KIF21A: variants seen among roughly 807,000 people sequenced by gnomAD.
KIF21A encodes kinesin family member 21A, also known as kinesin-like protein KIF21A.
KIF21A carries 114 observed loss-of-function variants against 202.9 expected under a neutral mutation model. The ratio of observed to expected loss-of-function variants is 0.56; its 90% CI spans 0.48 to 0.66. KIF21A has a LOEUF of 0.66. Ranked by LOEUF, KIF21A falls within the 30% of genes least tolerant of loss-of-function variation. The pLI is 0.00. For missense variants in KIF21A, 1,677 were observed against 1,994.9 expected (o/e 0.84, Z 3.04); for synonymous variants, 667 against 670.8 (o/e 0.99, Z 0.09).
intron 22 of KIF21A, 152 bp from the exon 23 acceptor site, chr12:39,331,063 C>T (rs1173134517): frequency 4.0e-6 from 3 of 749,020 alleles, no homozygotes; most frequent in African/African-American, 3.5e-5. Context: ...GCTTAGTGAT[C>T]ATGTACAAGT....
At position 39,404,748 on chromosome 12, in the gene KIF21A, C is replaced by G. The variant is rs142475982; in HGVS notation, c.45-34487G>C. On this transcript the variant is annotated intron_variant, in intron 1 of 37. Transcript: ENST00000361418. ...TACAACTTAATAGTAAATGAGACTT[C>G]TAACATGTTCCAAAACAGAATTTTA... Among the ~76,000 whole-genome samples the G allele has an allele frequency of 7.2e-5, 11 of 152,206 alleles. 1 individual carries two copies. In the East Asian group the frequency reaches 2.1e-3, roughly 29 times the overall value.
chr12:39,419,438 G>A (rs1008723933), intron 1 of KIF21A, among the ~76,000 whole-genome samples: 1 of 152,112 alleles, frequency 6.6e-6, no homozygotes, highest in African/African-American at 2.4e-5. Context: ...CTCCCTTGAG[G>A]GTTGATTGAA....
At position 39,332,745 on chromosome 12, in the gene KIF21A, C is replaced by T; in HGVS notation, c.2703-1G>A. 5 of 1,613,968 alleles carry T rather than the reference C, an allele frequency of 3.1e-6. No homozygotes were observed. The highest frequency in any genetic ancestry group is 4.2e-6 in the Non-Finnish European group (5 of 1,179,954). On this transcript the variant is annotated splice_acceptor_variant, in intron 19 of 37. Coordinates refer to ENST00000361418, the MANE Select transcript of KIF21A (RefSeq NM_001173464.2). LOFTEE classifies it high-confidence loss of function. ...CAATCCTTTCCTCTGATATTTTTTC[C>T]TATAATCATATAAAACAGACAAGCT... is the stretch of plus-strand genomic sequence containing the variant.
At chr12:39,336,159 A>G (rs1946946927) in intron 17 of KIF21A, among the ~76,000 whole-genome samples, 1 of 152,100 alleles carries the variant, frequency 6.6e-6, no homozygotes, top group South Asian at 2.1e-4. Context: ...GCTCAAAGCA[A>G]TCCTCCGGCC....
chr12:39,371,011 C>T (rs867253972), intron 1 of KIF21A, among the ~76,000 whole-genome samples: 38 of 152,238 alleles, frequency 2.5e-4, no homozygotes, highest in African/African-American at 7.9e-4. Context: ...CACTTATTCT[C>T]CTGTATACTT....
rs1156747011 is a variant in KIF21A, at chr12:39,340,980, T to A, written c.2036A>T (p.Glu679Val). 6.2e-7 allele frequency: 1 copy of A among 1,613,350 alleles called. No individual in the cohort carries two copies. Reference protein sequence around the residue: ...KRLQTLKKQYEEKLMMLQHKI... With the variant: ...KRLQTLKKQYVEKLMMLQHKI... ...ATGTTGCAGCATCATTAGCTTCTCT[T>A]CATACTGCTTTTTCAGAGTCTGCAG... The change falls in exon 15 of 38, where the codon GAA becomes GTA. Residue 679 changes from glutamate (E) to valine (V), a missense_variant. This residue lies in a region of KIF21A where 966 missense variants were observed against 1,180.9 expected (regional missense o/e 0.82). Coordinates refer to ENST00000361418, the MANE Select transcript of KIF21A (RefSeq NM_001173464.2).
At chr12:39,383,595 A>C (rs1211965264) in intron 1 of KIF21A, among the ~76,000 whole-genome samples, 1 of 152,198 alleles carries the variant, frequency 6.6e-6, no homozygotes, top group Admixed American at 6.5e-5. Context: ...GCTCCTGACA[A>C]CTGGGAATTT....
At chr12:39,377,003 A>G (rs1311280151) in intron 1 of KIF21A, among the ~76,000 whole-genome samples, 1 of 152,048 alleles carries the variant, frequency 6.6e-6, no homozygotes, top group East Asian at 1.9e-4. Context: ...CATGTGACAA[A>G]TTTTTCCATT....
intron 1 of KIF21A, among the ~76,000 whole-genome samples, chr12:39,389,189 C>T (rs1206226434): frequency 6.6e-6 from 1 of 150,678 alleles, no homozygotes; most frequent in Non-Finnish European, 1.5e-5. Context: ...TACACACACA[C>T]ACACACACAC....
At chr12:39,361,518 C>CT (rs1949208836) in intron 7 of KIF21A, among the ~76,000 whole-genome samples, 4 of 141,232 alleles carry the variant, frequency 2.8e-5, no homozygotes, top group South Asian at 4.8e-4. Context: ...ACAGAACTTT[C>CT]TTTCTTTTTT....
intron 37 of KIF21A, among the ~76,000 whole-genome samples, chr12:39,298,697 T>C (rs530432656): frequency 1.3e-5 from 2 of 152,238 alleles, no homozygotes; most frequent in Admixed American, 1.3e-4. Context: ...TACAACAAAA[T>C]TGAGATACTC....
chr12:39,335,843 GAA>G (rs1465556891), intron 17 of KIF21A, among the ~76,000 whole-genome samples: 1 of 152,060 alleles, frequency 6.6e-6, no homozygotes, highest in African/African-American at 2.4e-5. Context: ...CATTGTAGGA[GAA>G]AAAAAGAAAT....
At chr12:39,365,212 T>C (rs1170545991) in intron 6 of KIF21A, among the ~76,000 whole-genome samples, 1 of 152,216 alleles carries the variant, frequency 6.6e-6, no homozygotes, top group African/African-American at 2.4e-5. Flanking sequence ...TCTCTGAATT[T>C]TTGGAGAGAC....
At position 39,315,229 on chromosome 12, in the gene KIF21A, C is replaced by G. The variant is rs142879430; in HGVS notation, c.3959G>C (p.Arg1320Thr). The change falls in exon 31 of 38, where the codon AGG becomes ACG. Residue 1320 changes from arginine to threonine, a missense_variant and splice_region_variant. Physicochemically the swap from Arg to Thr is moderately conservative, Grantham distance 71 (BLOSUM62 -1). Around this residue, in one of 3 missense-constraint regions of KIF21A, gnomAD observed 705 missense variants for 791.9 expected, o/e 0.89. Coordinates refer to ENST00000361418, the MANE Select transcript of KIF21A (RefSeq NM_001173464.2). Reference sequence around the variant, plus strand: ...ATTTCCTCTCCCTTCCCCTGCCTACCTTCTGGAGGATCTGCTGATGATCAG... The same window carrying G: ...ATTTCCTCTCCCTTCCCCTGCCTACGTTCTGGAGGATCTGCTGATGATCAG... ...SLSEVHRSSR[R>T]GIINPFPASK... is the part of the protein sequence containing the mutation. 4 of 1,611,830 alleles carry G rather than the reference C, an allele frequency of 2.5e-6. 1 individual carries two copies. In the South Asian group the frequency reaches 4.4e-5, roughly 18 times the overall value.
At chr12:39,438,904 C>G (rs539032038) in intron 1 of KIF21A, among the ~76,000 whole-genome samples, 58 of 152,226 alleles carry the variant, frequency 3.8e-4, no homozygotes, top group Non-Finnish European at 6.8e-4. Flanking sequence ...TTTGAGTTAA[C>G]TGTTTGGTTC....
In KIF21A at chr12:39,349,198, T is replaced by C. The variant is rs527834751; in HGVS notation, c.1673+2579A>G. 7.6e-4 allele frequency among the ~76,000 whole-genome samples: 116 copies of C among 152,152 alleles called. 1 individual carries two copies. The highest frequency in any genetic ancestry group is 3.9e-3 in the South Asian group (19 of 4,822). On this transcript the variant is annotated intron_variant, in intron 11 of 37. Transcript: ENST00000361418. ...CTACACCCATGAGAGGGAAAGAAGG[T>C]TCTTTCCCCTGTCTTGCCTTTTCTT...
At chr12:39,395,134 T>C (rs117911412) in intron 1 of KIF21A, among the ~76,000 whole-genome samples, 2,075 of 152,286 alleles carry the variant, frequency 0.014, 20 homozygotes, top group Non-Finnish European at 0.018. Flanking sequence ...CATTTCCCCG[T>C]CCACTACCAT....
At chr12:39,426,996 T>C (rs940340208) in intron 1 of KIF21A, among the ~76,000 whole-genome samples, 1 of 152,204 alleles carries the variant, frequency 6.6e-6, no homozygotes, top group Non-Finnish European at 1.5e-5. Context: ...ACACATAATG[T>C]GTTCATACTT....
At position 39,294,446 on chromosome 12, in the gene KIF21A, C is replaced by A. The variant is rs769639690; in HGVS notation, c.5003G>T (p.Gly1668Val). Reference sequence around the variant, plus strand: ...TGTTTAATTACTGGCAATATCTTCCCCCAGATCTCCTGTGTCAGAGATCTG... The same window carrying A: ...TGTTTAATTACTGGCAATATCTTCCACCAGATCTCCTGTGTCAGAGATCTG... ...DGQISDTGDL[G>V]EDIASN Residue 1668 changes from glycine (G) to valine (V), a missense_variant, in exon 38 of 38, where the codon GGG (glycine) becomes GTG (valine). Transcript: ENST00000361418. 6.2e-7 allele frequency: 1 copy of A among 1,612,932 alleles called. No individual in the cohort carries two copies. Among genetic ancestry groups the A allele is most frequent in the Non-Finnish European group, 8.5e-7 (1 of 1,178,948 alleles).
Sources: allele counts gnomAD v4.1 joint callset (sites outside exome capture counted in the v4.1 genomes callset), GRCh38; gene constraint gnomAD v4.1.1; regional missense constraint gnomAD v4.1.1; transcripts MANE v1.5; gene names NCBI Gene and HGNC (gene_info 2026-07-23, HGNC 2026-07-21).